The following TRPV3 variants were observed in gnomAD, a reference collection of about 807,000 sequenced individuals.
The protein encoded by TRPV3 is transient receptor potential cation channel subfamily V member 3, also known as VRL-3.
A neutral mutation model predicts 87.1 loss-of-function variants in TRPV3; 88 were observed. The observed-to-expected ratio is 1.01, with a 90% CI of 0.85 to 1.21. The LOEUF (loss-of-function observed/expected upper bound fraction) is 1.21, where lower values mean the gene tolerates loss of function less well. TRPV3 is among the 50% of genes most tolerant of loss of function. The pLI, the probability that TRPV3 is intolerant of heterozygous loss-of-function variation, is 0.00. For synonymous variants in TRPV3, 438 were observed against 423.3 expected (o/e 1.03, Z -0.43); for missense variants, 1,054 against 1,030.1 (o/e 1.02, Z -0.32).
At chr17:3,543,727 G>A (rs764377294) in intron 4 of TRPV3, 99 bp from the exon 5 acceptor site, 60 of 1,489,488 alleles carry the variant, frequency 4.0e-5, no homozygotes, top group Middle Eastern at 1.7e-4. Flanking sequence ...TGCAGCTGCC[G>A]CCAACATCTC....
chr17:3,550,588 G>A (rs990998306), intron 2 of TRPV3, among the ~76,000 whole-genome samples: 1 of 137,474 alleles, frequency 7.3e-6, no homozygotes. Flanking sequence ...GCAGTGGCGT[G>A]ATCTCAGCTC....
chr17:3,522,996 G>T (rs1416898410), intron 13 of TRPV3, among the ~76,000 whole-genome samples: 1 of 151,790 alleles, frequency 6.6e-6, no homozygotes, highest in Non-Finnish European at 1.5e-5. Flanking sequence ...ATTCATGGGG[G>T]GTCTTAGAAC....
At position 3,557,750 on chromosome 17, in the gene TRPV3, T is replaced by C. The variant is rs990565332; in HGVS notation, c.-77A>G. The stretch of plus-strand genomic sequence containing the variant: ...ATGTCTGGGGCCCAAGGCCCCCGGG[T>C]GGGACTGTGGCTGAGGCGGCGGGAA... On this transcript the variant is annotated 5_prime_UTR_variant, in exon 1 of 18. Transcript: ENST00000576742. This position sits in a 1 kb window ranked among gnomAD's most constrained non-coding sequence, Gnocchi z 4.5. The C allele has an allele frequency of 6.6e-6, 1 of 152,194 alleles. No individual in the cohort carries two copies. Among genetic ancestry groups the C allele is most frequent in the Non-Finnish European group, 1.5e-5 (1 of 68,080 alleles). The allele number at this position is 152,194 out of a possible 1,614,324, so 9.4% of individuals were successfully genotyped here.
At chr17:3,546,344 AG>A (rs756006850) in intron 2 of TRPV3, among the ~76,000 whole-genome samples, 2 of 152,074 alleles carry the variant, frequency 1.3e-5, no homozygotes, top group Non-Finnish European at 2.9e-5. Context: ...TGGGAGGCTG[AG>A]GCAGGAAAAG....
intron 12 of TRPV3, among the ~76,000 whole-genome samples, chr17:3,526,254 G>C (rs961661867): frequency 2.0e-5 from 3 of 152,166 alleles, no homozygotes; most frequent in Non-Finnish European, 4.4e-5. Context: ...GAGGTGGGCA[G>C]ATCACTTGAG....
chr17:3,545,939 G>A (rs1481881812), intron 2 of TRPV3, among the ~76,000 whole-genome samples: 4 of 149,134 alleles, frequency 2.7e-5, no homozygotes, highest in Non-Finnish European at 4.4e-5. Flanking sequence ...GCAGTGAGCC[G>A]AGACCGCGCC....
At chr17:3,519,939 T>C (rs1332005052) in intron 14 of TRPV3, among the ~76,000 whole-genome samples, 1 of 148,762 alleles carries the variant, frequency 6.7e-6, no homozygotes, top group East Asian at 2.0e-4. Context: ...GATGGATAGA[T>C]GGATAGATCA....
Position 3,513,868 on chromosome 17 carries a change from GC to G in TRPV3, c.*48del. 1 of 1,507,640 alleles carries G rather than the reference GC, an allele frequency of 6.6e-7. No homozygotes were observed. Among genetic ancestry groups the G allele is most frequent in the Admixed American group, 1.7e-5 (1 of 57,932 alleles). 93.4% of individuals were successfully genotyped at this position (1,507,640 alleles called of 1,614,324 possible). ...CTCTCTGCACAGAGTCGGTGACTCC[GC>G]CTGCAGCGCCAGACAGCGCACGCGC... On this transcript the variant is annotated 3_prime_UTR_variant, in exon 18 of 18. Coordinates refer to ENST00000576742, the MANE Select transcript of TRPV3 (RefSeq NM_145068.4).
intron 2 of TRPV3, among the ~76,000 whole-genome samples, chr17:3,551,870 CTTTTTTTTTTT>C (rs747932928): frequency 0.012 from 522 of 43,352 alleles, 6 homozygotes; most frequent in African/African-American, 0.04. Context: ...GTAATTTATT[CTTTTTTTTTTT>C]TTTTTTTTTT....
chr17:3,523,956 C>G (rs1292214167), intron 13 of TRPV3, among the ~76,000 whole-genome samples: 5 of 152,036 alleles, frequency 3.3e-5, no homozygotes, highest in African/African-American at 1.2e-4. Context: ...CAGCACGCCA[C>G]TGCCCAGGGG....
chr17:3,542,716 G>A lies in TRPV3; in HGVS notation c.467-18C>T, dbSNP rs767375306. On this transcript the variant is annotated intron_variant, in intron 5 of 17. Coordinates refer to ENST00000576742, the MANE Select transcript of TRPV3 (RefSeq NM_145068.4). The stretch of plus-strand genomic sequence containing the variant: ...GAGGAAGTCTGCAGGCAGGGCCATG[G>A]GTGGAGTTACAGGAGGGCCCCGGCT... The A allele has an allele frequency of 1.2e-6, 2 of 1,610,966 alleles. No individual in the cohort carries two copies. Among genetic ancestry groups the A allele is most frequent in the South Asian group, 2.2e-5 (2 of 90,518 alleles).
In TRPV3 at chr17:3,513,884, A is replaced by C. The variant is rs918863890; in HGVS notation, c.*33T>G. The C allele has an allele frequency of 3.8e-6, 6 of 1,566,080 alleles. No individual in the cohort carries two copies. Among genetic ancestry groups the C allele is most frequent in the Non-Finnish European group, 5.3e-6 (6 of 1,138,664 alleles). ...GGTGACTCCGCCTGCAGCGCCAGAC[A>C]GCGCACGCGCACACCAGCTCTGGGT... On this transcript the variant is annotated 3_prime_UTR_variant, in exon 18 of 18. Transcript: ENST00000576742.
chr17:3,532,422 C>T (rs2074356726), intron 8 of TRPV3, among the ~76,000 whole-genome samples: 2 of 152,374 alleles, frequency 1.3e-5, no homozygotes, highest in South Asian at 4.1e-4. Flanking sequence ...GGAAACGCGG[C>T]GTATTAGGGA....
chr17:3,517,038 G>A (rs142733345), intron 15 of TRPV3, among the ~76,000 whole-genome samples: 105 of 152,306 alleles, frequency 6.9e-4, no homozygotes, highest in African/African-American at 2.4e-3. Context: ...CCAGCTACTC[G>A]GGAGGCTGAG....
intron 2 of TRPV3, among the ~76,000 whole-genome samples, chr17:3,545,843 A>T (rs2074518761): frequency 6.9e-6 from 1 of 144,214 alleles, no homozygotes; most frequent in African/African-American, 2.5e-5. Flanking sequence ...AAAAAAAAGT[A>T]GCTGGGCATG....
chr17:3,549,642 T>C (rs2074554529), intron 2 of TRPV3, among the ~76,000 whole-genome samples: 1 of 152,070 alleles, frequency 6.6e-6, no homozygotes, highest in Admixed American at 6.6e-5. Context: ...GAATGAGGGA[T>C]GGGTGGATGA....
At position 3,528,808 on chromosome 17, in the gene TRPV3, C is replaced by T. The variant is rs371237794; in HGVS notation, c.1401+29G>A. 5 of 1,613,206 alleles carry T rather than the reference C, an allele frequency of 3.1e-6. No homozygotes were observed. The African/African-American group carries it at 5.3e-5, about 17-fold the overall frequency. ...CAAGCCCCTCCAGCTCTGACGGCCC[C>T]ATTTTCCCCCTCCAAGGGGCCCACG... On this transcript the variant is annotated intron_variant, in intron 10 of 17. Transcript: ENST00000576742. The surrounding 1 kb of genome is among the most constrained non-coding windows in gnomAD (Gnocchi z 4.2).
Position 3,528,118 on chromosome 17 carries a change from C to T in TRPV3, c.1410G>A (p.Pro470=), listed in dbSNP as rs374035465. The change falls in exon 11 of 18, where the codon CCG becomes CCA. Residue 470 remains proline, a synonymous_variant. Coordinates refer to ENST00000576742, the MANE Select transcript of TRPV3 (RefSeq NM_145068.4). The surrounding 1 kb of genome is among the most constrained non-coding windows in gnomAD (Gnocchi z 4.2). ...YYRPREEEAI[P]HPLALTHKMG... is the part of the protein sequence containing the mutation. Reference sequence around the variant, plus strand: ...TCTTGTGCGTCAGGGCCAAGGGGTGCGGGATGGCCTGCAGGGAAAGAAGAG... The same window carrying T: ...TCTTGTGCGTCAGGGCCAAGGGGTGTGGGATGGCCTGCAGGGAAAGAAGAG... The T allele has an allele frequency of 1.8e-5, 29 of 1,611,620 alleles. No homozygotes were observed. The highest frequency in any genetic ancestry group is 5.3e-5 in the African/African-American group (4 of 74,816).
chr17:3,519,589 A>ACTGG (rs1298031426), intron 14 of TRPV3, among the ~76,000 whole-genome samples: 2 of 48,580 alleles, frequency 4.1e-5, no homozygotes, highest in Non-Finnish European at 7.7e-5. Context: ...TAAATGGATG[A>ACTGG]ATGGATGGAT....
Sources: allele counts gnomAD v4.1 joint callset (sites outside exome capture counted in the v4.1 genomes callset), GRCh38; gene constraint gnomAD v4.1.1; non-coding constraint Gnocchi (gnomAD v3.1); transcripts MANE v1.5; gene names NCBI Gene and HGNC (gene_info 2026-07-23, HGNC 2026-07-21).